The following FCRL1 variants were observed in gnomAD, a reference collection of about 807,000 sequenced individuals.
The protein encoded by FCRL1 is Fc receptor-like protein 1.
In FCRL1, 34 loss-of-function variants were observed where a neutral mutation model predicts 49.2. The ratio of observed to expected loss-of-function variants is 0.69; its 90% CI spans 0.53 to 0.92. The LOEUF (loss-of-function observed/expected upper bound fraction) is 0.92. FCRL1 is among the 40% of genes least tolerant of loss of function. The pLI is 0.00. For synonymous variants in FCRL1, 218 were observed against 201.6 expected (o/e 1.08, Z -0.69); for missense variants, 524 against 524.1 (o/e 1.00, Z 0.00).
At chr1:157,807,229 A>T in intron 1 of FCRL1, 107 bp from the exon 2 acceptor site, 1 of 1,133,080 alleles carries the variant, frequency 8.8e-7, no homozygotes, top group South Asian at 1.6e-5. Context: ...CATCCCCTGG[A>T]CCCTCCCTGC....
intron 1 of FCRL1, 74 bp downstream of exon 1, chr1:157,819,933 T>C: frequency 6.4e-7 from 1 of 1,552,996 alleles, no homozygotes; most frequent in South Asian, 1.1e-5. Context: ...TCCTAAGAAG[T>C]CCTTACAGCC....
chr1:157,820,086 G>T lies in FCRL1; in HGVS notation c.-49C>A. ...CTAGAGATGCCTCTCATCAAAAAAA[G>T]AATGCACCTCAGAGTCGAGCAGCAG... On this transcript the variant is annotated 5_prime_UTR_variant, in exon 1 of 11. Coordinates refer to ENST00000368176, the MANE Select transcript of FCRL1 (RefSeq NM_052938.5). 1 of 1,607,704 alleles carries T rather than the reference G, an allele frequency of 6.2e-7. No homozygotes were observed. Among genetic ancestry groups the T allele is most frequent in the Non-Finnish European group, 8.5e-7 (1 of 1,174,256 alleles).
Position 157,801,462 on chromosome 1 carries a change from T to G in FCRL1, c.1002A>C (p.Ile334=). 1 of 1,594,518 alleles carries G rather than the reference T, an allele frequency of 6.3e-7. No homozygotes were observed. Among genetic ancestry groups the G allele is most frequent in the Non-Finnish European group, 8.6e-7 (1 of 1,162,812 alleles). The change falls in exon 6 of 11, where the codon ATA becomes ATC. Residue 334 remains isoleucine (I), a splice_region_variant and synonymous_variant. Transcript: ENST00000368176. The part of the protein sequence containing the change: ...LLFCYGLKRK[I]GRRSARDPLR... ...ATGCCACTCTCTTTAAATACTAACC[T>G]ATTTTTCTTTTGAGGCCGTAGCAAA...
At chr1:157,812,232 G>T (rs997010105) in intron 1 of FCRL1, among the ~76,000 whole-genome samples, 1 of 152,200 alleles carries the variant, frequency 6.6e-6, no homozygotes, top group African/African-American at 2.4e-5. Context: ...AGCCTGAGCT[G>T]CTGAGGCACA....
intron 1 of FCRL1, among the ~76,000 whole-genome samples, chr1:157,809,671 G>A (rs1425553581): frequency 6.6e-6 from 1 of 152,054 alleles, no homozygotes; most frequent in African/African-American, 2.4e-5. Flanking sequence ...ATGTTGGTCA[G>A]CTTGGTCTGA....
At chr1:157,801,120 G>A (rs888390517) in intron 6 of FCRL1, among the ~76,000 whole-genome samples, 4 of 152,132 alleles carry the variant, frequency 2.6e-5, no homozygotes, top group African/African-American at 9.7e-5. Context: ...TCGATCTCCT[G>A]ACCTTGTGAT....
rs1042445449 is a variant in FCRL1, at chr1:157,795,089, A to G, written c.*1010T>C. 1 of 152,220 alleles carries G rather than the reference A, an allele frequency of 6.6e-6. No individual in the cohort carries two copies. The highest frequency in any genetic ancestry group is 2.4e-5 in the African/African-American group (1 of 41,456). The allele number at this position is 152,220 out of a possible 1,614,324, so 9.4% of individuals were successfully genotyped here. Reference sequence around the variant, plus strand: ...TTACTTTATATACCTCCAAATGTTTATTAATTCATAAGAGTGAGTGCCTGG... The same window carrying G: ...TTACTTTATATACCTCCAAATGTTTGTTAATTCATAAGAGTGAGTGCCTGG... On this transcript the variant is annotated 3_prime_UTR_variant, in exon 11 of 11. Transcript: ENST00000368176.
At chr1:157,806,757 G>C (rs934477318) in intron 2 of FCRL1, 3 of 208,500 alleles carry the variant, frequency 1.4e-5, no homozygotes, top group Non-Finnish European at 2.9e-5. Context: ...TGGGAGGACA[G>C]AGATGCTTCT....
intron 10 of FCRL1, among the ~76,000 whole-genome samples, chr1:157,796,378 C>T (rs1651478405): frequency 6.6e-6 from 1 of 152,214 alleles, no homozygotes; most frequent in Non-Finnish European, 1.5e-5. Context: ...TGATAAGCTG[C>T]AAACTGATGC....
intron 5 of FCRL1, 107 bp downstream of exon 5, chr1:157,801,808 C>T: frequency 7.3e-7 from 1 of 1,360,732 alleles, no homozygotes. Flanking sequence ...ACACAGAGGC[C>T]CCACCATGGG....
intron 9 of FCRL1, among the ~76,000 whole-genome samples, 194 bp from the exon 10 acceptor site, chr1:157,797,326 G>A (rs866295082): frequency 5.3e-5 from 8 of 152,192 alleles, no homozygotes; most frequent in Non-Finnish European, 1.2e-4. Flanking sequence ...TAGCCTGGGG[G>A]TGGGAGGGTA....
intron 2 of FCRL1, among the ~76,000 whole-genome samples, chr1:157,805,143 G>A (rs921884323): frequency 7.9e-5 from 12 of 152,160 alleles, no homozygotes; most frequent in Non-Finnish European, 7.3e-5. Context: ...ACAGGTGTGA[G>A]CCACCACTCC....
intron 2 of FCRL1, among the ~76,000 whole-genome samples, chr1:157,805,149 A>C (rs1653217170): frequency 1.3e-5 from 2 of 151,324 alleles, no homozygotes; most frequent in Admixed American, 6.6e-5. Context: ...GTGAGCCACC[A>C]CTCCCGGCCT....
rs1652493813 is a variant in FCRL1, at chr1:157,801,643, T to G, written c.887-66A>C. ...GCTTGGGGCTTAGAGAGCAGACATC[T>G]TGGGTGTGGGTTGTGCCCAAGGTCT... On this transcript the variant is annotated intron_variant, in intron 5 of 10. Transcript: ENST00000368176. 3 of 1,182,858 alleles carry G rather than the reference T, an allele frequency of 2.5e-6. No individual in the cohort carries two copies. The East Asian group carries it at 7.0e-5, about 28-fold the overall frequency. The allele number at this position is 1,182,858 out of a possible 1,614,324, so 73.3% of individuals were successfully genotyped here.
At position 157,803,738 on chromosome 1, in the gene FCRL1, C is replaced by A; in HGVS notation, c.319+107G>T. 3 of 1,391,478 alleles carry A rather than the reference C, an allele frequency of 2.2e-6. No individual in the cohort carries two copies. The Middle Eastern group carries it at 6.5e-4, about 300-fold the overall frequency. 86.2% of individuals were successfully genotyped at this position (1,391,478 alleles called of 1,614,324 possible). A position where few individuals can be genotyped will look rare whatever the true frequency, so the allele number is the denominator to read the frequency against. On this transcript the variant is annotated intron_variant, in intron 3 of 10. Coordinates refer to ENST00000368176, the MANE Select transcript of FCRL1 (RefSeq NM_052938.5). ...ATGAGAGAAACTCAGGAATATCTTT[C>A]AAACAGCTCCTACTCTTGCAGAGAT... is the stretch of plus-strand genomic sequence containing the variant.
intron 1 of FCRL1, among the ~76,000 whole-genome samples, chr1:157,814,325 CA>C (rs1654741728): frequency 2.0e-5 from 3 of 151,904 alleles, no homozygotes; most frequent in East Asian, 3.9e-4. Flanking sequence ...CATAAGGCAA[CA>C]AAAATATAAA....
rs1349369405 is a variant in FCRL1 at position 157,804,091 on chromosome 1, G to A, written c.73C>T (p.Pro25Ser). The A allele has an allele frequency of 2.5e-6, 4 of 1,614,116 alleles. No individual in the cohort carries two copies. The South Asian group carries it at 4.4e-5, about 18-fold the overall frequency. ...GGGCTCCCCTCTGTGGGATGGGAGGGGCTGGCTATCAAAAACAGCTCTAGA... is the reference window on the plus strand; with the variant it reads ...GGGCTCCCCTCTGTGGGATGGGAGGAGCTGGCTATCAAAAACAGCTCTAGA... ...EPAELFLIAS[P>S]SHPTEGSPVT... The change falls in exon 3 of 11, where the codon CCC becomes TCC. Residue 25 changes from proline (P) to serine (S), a missense_variant. Physicochemically the swap from Pro to Ser is moderately conservative, Grantham distance 74. Transcript: ENST00000368176.
At chr1:157,810,300 C>CTT (rs546970268) in intron 1 of FCRL1, among the ~76,000 whole-genome samples, 104 of 146,196 alleles carry the variant, frequency 7.1e-4, no homozygotes, top group South Asian at 3.5e-3. Context: ...TTTCTTTTTT[C>CTT]TTTTTTTTTT....
At chr1:157,817,324 C>A (rs1655184395) in intron 1 of FCRL1, among the ~76,000 whole-genome samples, 1 of 151,986 alleles carries the variant, frequency 6.6e-6, no homozygotes, top group African/African-American at 2.4e-5. Flanking sequence ...GGCACAAAAA[C>A]AGACACATAG....
Sources: gnomAD v4.1 joint callset for allele counts (sites outside exome capture counted in the v4.1 genomes callset) on GRCh38, gnomAD v4.1.1 for gene constraint, MANE v1.5 for transcripts, NCBI Gene and HGNC (gene_info 2026-07-23, HGNC 2026-07-21) for gene names.